Variants in ONECUT2 observed in about 807,000 individuals in gnomAD.
ONECUT2 encodes one cut homeobox 2, also known as one cut domain family member 2.
ONECUT2 carries 10 observed loss-of-function variants against 27.9 expected under a neutral mutation model. The observed-to-expected ratio is 0.36, with a 90% confidence interval of 0.22 to 0.61. The LOEUF (loss-of-function observed/expected upper bound fraction) is 0.61, where lower values mean the gene tolerates loss of function less well. ONECUT2 is among the 20% of genes least tolerant of loss of function. The pLI, the probability that ONECUT2 is intolerant of heterozygous loss-of-function variation, is 0.73. For synonymous variants in ONECUT2, 334 were observed against 315.1 expected (o/e 1.06, Z -0.64); for missense variants, 686 against 721.0 (o/e 0.95, Z 0.56).
rs776474095 is a variant in ONECUT2, at chr18:57,476,994, A to C, written c.*271A>C. ...TCTCTGAGCATGCTAAGCATCCCAG[A>C]AACCCAAATGGGGCCTTCCTGGAGC... On this transcript the variant is annotated 3_prime_UTR_variant, in exon 2 of 2. Transcript: ENST00000491143. The C allele has an allele frequency of 4.7e-4, 215 of 455,492 alleles. No homozygotes were observed. Among genetic ancestry groups the C allele is most frequent in the Middle Eastern group, 1.2e-3 (2 of 1,672 alleles). The allele number at this position is 455,492 out of a possible 1,614,324, so 28.2% of individuals were successfully genotyped here.
At chr18:57,440,516 C>A (rs993923667) in intron 1 of ONECUT2, among the ~76,000 whole-genome samples, 4 of 152,244 alleles carry the variant, frequency 2.6e-5, no homozygotes. Flanking sequence ...CGCCGTAGTC[C>A]GACGCACGGC....
chr18:57,437,824 C>T (rs1304888932), intron 1 of ONECUT2, among the ~76,000 whole-genome samples: 2 of 152,240 alleles, frequency 1.3e-5, no homozygotes, highest in Non-Finnish European at 2.9e-5. Flanking sequence ...CCTGAGCACT[C>T]GCAGGAAGAG....
At chr18:57,471,689 G>T (rs1598943097) in intron 1 of ONECUT2, among the ~76,000 whole-genome samples, 1 of 152,196 alleles carries the variant, frequency 6.6e-6, no homozygotes, top group African/African-American at 2.4e-5. Flanking sequence ...ATGTGTACAT[G>T]CCTGCCAGTA....
At chr18:57,475,804 C>A (rs2050379007) in intron 1 of ONECUT2, among the ~76,000 whole-genome samples, 1 of 152,048 alleles carries the variant, frequency 6.6e-6, no homozygotes, top group Admixed American at 6.5e-5. Context: ...TGAGAATTGG[C>A]TAAACCAATT....
chr18:57,446,652 C>T (rs58446332), intron 1 of ONECUT2, among the ~76,000 whole-genome samples: 2,329 of 152,296 alleles, frequency 0.015, 65 homozygotes, highest in African/African-American at 0.053. Flanking sequence ...AGATCACTAC[C>T]CATGCAAGCA....
chr18:57,487,595 C>T lies in ONECUT2; in HGVS notation c.*10872C>T, dbSNP rs1434409376. On this transcript the variant is annotated 3_prime_UTR_variant, in exon 2 of 2. Coordinates refer to ENST00000491143, the MANE Select transcript of ONECUT2 (RefSeq NM_004852.3). ...CTTCTCTTTTGTCCACTCTCCTAGA[C>T]ATTCCCACCAACTGTTCCAGTGATT... 1 of 152,144 alleles carries T rather than the reference C, an allele frequency of 6.6e-6. No individual in the cohort carries two copies. The highest frequency in any genetic ancestry group is 2.4e-5 in the African/African-American group (1 of 41,432). 9.4% of individuals were successfully genotyped at this position (152,144 alleles called of 1,614,324 possible).
rs542058195 is a variant in ONECUT2, at chr18:57,452,720, T to G, written c.1228+15776T>G. ...GATTACAGGCGTGCGCCACCACGCCTGGCCTCAACCTGTATTGTAAAATAG... is the reference window on the plus strand; with the variant it reads ...GATTACAGGCGTGCGCCACCACGCCGGGCCTCAACCTGTATTGTAAAATAG... On this transcript the variant is annotated intron_variant, in intron 1 of 1. Coordinates refer to ENST00000491143, the MANE Select transcript of ONECUT2 (RefSeq NM_004852.3). 2.0e-4 allele frequency among the ~76,000 whole-genome samples: 30 copies of G among 152,344 alleles called. No homozygotes were observed. In the South Asian group the frequency reaches 6.0e-3, roughly 31 times the overall value.
intron 1 of ONECUT2, among the ~76,000 whole-genome samples, chr18:57,439,456 T>G (rs1380642999): frequency 6.6e-6 from 1 of 152,236 alleles, no homozygotes; most frequent in Non-Finnish European, 1.5e-5. Context: ...AGCTTTAGCC[T>G]TTTTATCTGG....
At chr18:57,438,469 C>T (rs980613755) in intron 1 of ONECUT2, among the ~76,000 whole-genome samples, 6 of 152,240 alleles carry the variant, frequency 3.9e-5, no homozygotes, top group East Asian at 1.9e-4. Context: ...CCCGATCCCC[C>T]GGGCTTTCCT....
At chr18:57,438,078 C>T (rs1338489215) in intron 1 of ONECUT2, among the ~76,000 whole-genome samples, 1 of 152,224 alleles carries the variant, frequency 6.6e-6, no homozygotes, top group East Asian at 1.9e-4. Flanking sequence ...GCACAGAAAC[C>T]TCCTGTGTGG....
Position 57,435,966 on chromosome 18 carries a change from C to T in ONECUT2, c.250C>T (p.Pro84Ser). 7.1e-7 allele frequency: 1 copy of T among 1,412,382 alleles called. No individual in the cohort carries two copies. Among genetic ancestry groups the T allele is most frequent in the South Asian group, 1.6e-5 (1 of 63,642 alleles). 87.5% of individuals were successfully genotyped at this position (1,412,382 alleles called of 1,614,324 possible). ...AAGSLRGPPP[P>S]PTAHQELGTA... Reference sequence around the variant, plus strand: ...TGGCTCGCTGCGGGGCCCTCCGCCGCCTCCAACCGCGCACCAGGAGCTGGG... The same window carrying T: ...TGGCTCGCTGCGGGGCCCTCCGCCGTCTCCAACCGCGCACCAGGAGCTGGG... The change falls in exon 1 of 2, where the codon CCT becomes TCT. Residue 84 changes from proline (P) to serine (S), a missense_variant. Physicochemically the swap from Pro to Ser is moderately conservative, Grantham distance 74. Transcript: ENST00000491143.
At chr18:57,470,695 G>A (rs2050348332) in intron 1 of ONECUT2, among the ~76,000 whole-genome samples, 1 of 152,026 alleles carries the variant, frequency 6.6e-6, no homozygotes, top group South Asian at 2.1e-4. Context: ...GGTGACATGC[G>A]GTTCCAGGGT....
Position 57,478,194 on chromosome 18 carries a change from T to C in ONECUT2, c.*1471T>C, listed in dbSNP as rs1451221843. 6.6e-6 allele frequency: 1 copy of C among 152,624 alleles called. No homozygotes were observed. Among genetic ancestry groups the C allele is most frequent in the Non-Finnish European group, 1.5e-5 (1 of 68,054 alleles). The allele number at this position is 152,624 out of a possible 1,614,324, so 9.5% of individuals were successfully genotyped here. A position where few individuals can be genotyped will look rare whatever the true frequency, so the allele number is the denominator to read the frequency against. On this transcript the variant is annotated 3_prime_UTR_variant, in exon 2 of 2. Transcript: ENST00000491143. ...GCCAAGCCACCCAGAGGGGTGGCTT[T>C]GCCACACCAGTTGTCACCTTCCCAT... is the stretch of plus-strand genomic sequence containing the variant.
At chr18:57,476,053 G>C (rs1156664927) in intron 1 of ONECUT2, among the ~76,000 whole-genome samples, 1 of 152,022 alleles carries the variant, frequency 6.6e-6, no homozygotes, top group African/African-American at 2.4e-5. Flanking sequence ...GGGTGAATAT[G>C]AAAGAGGAAC....
At chr18:57,451,501 G>C (rs1484005600) in intron 1 of ONECUT2, among the ~76,000 whole-genome samples, 1 of 152,174 alleles carries the variant, frequency 6.6e-6, no homozygotes, top group East Asian at 1.9e-4. Context: ...CCATAGCCTA[G>C]ACATGGGTGT....
Position 57,483,805 on chromosome 18 carries a change from C to T in ONECUT2, c.*7082C>T, listed in dbSNP as rs2050426929. 1 of 152,616 alleles carries T rather than the reference C, an allele frequency of 6.6e-6. No individual in the cohort carries two copies. The highest frequency in any genetic ancestry group is 1.5e-5 in the Non-Finnish European group (1 of 68,032). The allele number at this position is 152,616 out of a possible 1,614,324, so 9.5% of individuals were successfully genotyped here. A position where few individuals can be genotyped will look rare whatever the true frequency, so the allele number is the denominator to read the frequency against. The stretch of plus-strand genomic sequence containing the variant: ...TTAAGTTCGCAGCCCCACCTGGTAC[C>T]AGGCGAACTTCACCTCTTAATTATT... On this transcript the variant is annotated 3_prime_UTR_variant, in exon 2 of 2. Transcript: ENST00000491143.
In ONECUT2 at chr18:57,480,335, G is replaced by A. The variant is rs2050409302; in HGVS notation, c.*3612G>A. 6.6e-6 allele frequency: 1 copy of A among 152,200 alleles called. No individual in the cohort carries two copies. Among genetic ancestry groups the A allele is most frequent in the South Asian group, 2.1e-4 (1 of 4,830 alleles). The allele number at this position is 152,200 out of a possible 1,614,324, so 9.4% of individuals were successfully genotyped here. A position where few individuals can be genotyped will look rare whatever the true frequency, so the allele number is the denominator to read the frequency against. Reference sequence around the variant, plus strand: ...CCCATGTGGGTTGATTTCAACTTGGGTATTTCTAAAAGAGTCCTTGTGACA... The same window carrying A: ...CCCATGTGGGTTGATTTCAACTTGGATATTTCTAAAAGAGTCCTTGTGACA... On this transcript the variant is annotated 3_prime_UTR_variant, in exon 2 of 2. Transcript: ENST00000491143.
intron 1 of ONECUT2, among the ~76,000 whole-genome samples, chr18:57,451,539 C>T (rs2050230325): frequency 6.6e-6 from 1 of 152,234 alleles, no homozygotes; most frequent in Non-Finnish European, 1.5e-5. Context: ...TTCTTTACCT[C>T]CTTTTCTGCC....
At chr18:57,442,244 G>GCTTTT (rs2050179423) in intron 1 of ONECUT2, among the ~76,000 whole-genome samples, 4 of 112,104 alleles carry the variant, frequency 3.6e-5, no homozygotes, top group African/African-American at 1.1e-4. Context: ...ATTCTTCTGG[G>GCTTTT]TTTTTTTTTT....
Sources: gnomAD v4.1 joint callset for allele counts (sites outside exome capture counted in the v4.1 genomes callset) on GRCh38, gnomAD v4.1.1 for gene constraint, MANE v1.5 for transcripts, NCBI Gene and HGNC (gene_info 2026-07-23, HGNC 2026-07-21) for gene names.